Variants in POU6F2 observed in about 807,000 individuals in gnomAD.
The protein encoded by POU6F2 is POU class 6 homeobox 2, also known as POU domain, class 6, transcription factor 2.
POU6F2 carries 31 observed loss-of-function variants against 71.3 expected under a neutral mutation model. That is an observed-to-expected ratio of 0.43 (90% CI 0.33 to 0.59). The LOEUF (loss-of-function observed/expected upper bound fraction) is 0.59. POU6F2 is among the 20% of genes least tolerant of loss of function. The pLI is 0.04. For missense variants in POU6F2, 783 were observed against 856.8 expected (o/e 0.91, Z 1.07); for synonymous variants, 347 against 355.7 (o/e 0.98, Z 0.27).
intron 6 of POU6F2, among the ~76,000 whole-genome samples, chr7:39,419,229 G>A (rs1157677394): frequency 6.7e-6 from 1 of 150,330 alleles, no homozygotes; most frequent in Non-Finnish European, 1.5e-5. Flanking sequence ...CTAAAGTAGA[G>A]TCTGTTTGGG....
intron 4 of POU6F2, among the ~76,000 whole-genome samples, chr7:39,271,187 G>A (rs1784332554): frequency 1.3e-5 from 2 of 152,148 alleles, no homozygotes; most frequent in Admixed American, 6.5e-5. Flanking sequence ...AAGGAGAAAA[G>A]CACTCATGAG....
intron 4 of POU6F2, among the ~76,000 whole-genome samples, chr7:39,302,309 A>G (rs1400262753): frequency 6.6e-6 from 1 of 152,194 alleles, no homozygotes; most frequent in Non-Finnish European, 1.5e-5. Flanking sequence ...TAATAGATGG[A>G]TCTAATACCA....
At chr7:39,389,716 A>T (rs1159169187) in intron 5 of POU6F2, among the ~76,000 whole-genome samples, 1 of 152,228 alleles carries the variant, frequency 6.6e-6, no homozygotes, top group Non-Finnish European at 1.5e-5. Flanking sequence ...GGTTTCAAAA[A>T]CAAAATGAGA....
intron 1 of POU6F2, among the ~76,000 whole-genome samples, chr7:39,065,030 ATAACT>A (rs779263796): frequency 6.6e-6 from 1 of 151,862 alleles, no homozygotes; most frequent in Non-Finnish European, 1.5e-5. Context: ...AAAGTAAATA[ATAACT>A]TAAAGAATTA....
Position 39,449,139 on chromosome 7 carries a change from G to A in POU6F2, c.1321-2394G>A, listed in dbSNP as rs182284091. Among the ~76,000 whole-genome samples the A allele has an allele frequency of 4.1e-3, 620 of 152,294 alleles. 2 individuals carry two copies. The highest frequency in any genetic ancestry group is 0.014 in the African/African-American group (570 of 41,560). Reference sequence around the variant, plus strand: ...GGTGTTCACTTGAAATGCAACCTCAGGCAATTCTGTAGGAGGCACAAGGTG... The same window carrying A: ...GGTGTTCACTTGAAATGCAACCTCAAGCAATTCTGTAGGAGGCACAAGGTG... On this transcript the variant is annotated intron_variant, in intron 7 of 9. Transcript: ENST00000518318.
intron 2 of POU6F2, among the ~76,000 whole-genome samples, chr7:39,195,146 C>T (rs1219568892): frequency 1.3e-5 from 2 of 152,180 alleles, no homozygotes; most frequent in Admixed American, 1.3e-4. Flanking sequence ...TTCCTATTGT[C>T]CCAATTATTA....
At chr7:39,426,937 T>G (rs1000353631) in intron 6 of POU6F2, among the ~76,000 whole-genome samples, 1 of 152,202 alleles carries the variant, frequency 6.6e-6, no homozygotes. Flanking sequence ...GGTGCCCCCA[T>G]GGAAACTTCC....
rs1442863004 is a variant in POU6F2, at chr7:39,085,959, A to G, written c.205A>G (p.Ser69Gly). The G allele has an allele frequency of 6.2e-7, 1 of 1,613,714 alleles. No homozygotes were observed. Among genetic ancestry groups the G allele is most frequent in the Non-Finnish European group, 8.5e-7 (1 of 1,179,818 alleles). ...RGEDKAATSDSELNEPLLAPV... is the reference protein window; with the variant it reads ...RGEDKAATSDGELNEPLLAPV... The stretch of plus-strand genomic sequence containing the variant: ...TGAGGACAAGGCTGCTACTTCAGAC[A>G]GCGAGCTGAATGAGCCCCTGCTTGC... The change falls in exon 2 of 10, where the codon AGC (serine) becomes GGC (glycine). Residue 69 changes from serine (S) to glycine (G), a missense_variant. Physicochemically the swap from Ser to Gly is moderately conservative, Grantham distance 56. This residue lies in a region of POU6F2 where 572 missense variants were observed against 572.9 expected (regional missense o/e 1.00). Coordinates refer to ENST00000518318, the MANE Select transcript of POU6F2 (RefSeq NM_001370959.1).
chr7:39,412,927 A>C (rs1474892439), intron 6 of POU6F2, among the ~76,000 whole-genome samples: 2 of 148,358 alleles, frequency 1.3e-5, no homozygotes, highest in African/African-American at 4.9e-5. Flanking sequence ...CATCCTCCCA[A>C]GTAGCTGGGA....
chr7:39,020,094 G>A (rs1427037598), intron 1 of POU6F2, among the ~76,000 whole-genome samples: 2 of 152,104 alleles, frequency 1.3e-5, no homozygotes, highest in Non-Finnish European at 2.9e-5. Context: ...AGCAGGTTGG[G>A]TGCACCCTCC....
intron 2 of POU6F2, among the ~76,000 whole-genome samples, chr7:39,130,147 GGTGTGTGTGTGTGTGTGT>G (rs10600961): frequency 7.0e-6 from 1 of 143,334 alleles, no homozygotes; most frequent in African/African-American, 2.6e-5. Flanking sequence ...GAAAGGGGTA[GGTGTGTGTGTGTGTGTGT>G]GTGTGTGTGT....
chr7:39,046,216 G>A (rs1790287736), intron 1 of POU6F2, among the ~76,000 whole-genome samples: 1 of 151,810 alleles, frequency 6.6e-6, no homozygotes, highest in Admixed American at 6.6e-5. Context: ...AAATAAGTGA[G>A]CATCCTTTCC....
At chr7:39,353,857 A>G (rs568924588) in intron 5 of POU6F2, among the ~76,000 whole-genome samples, 2 of 152,362 alleles carry the variant, frequency 1.3e-5, no homozygotes, top group South Asian at 2.1e-4. Flanking sequence ...GACCTGCCAC[A>G]GCAGAATAGT....
chr7:39,125,381 C>T (rs1256131265), intron 2 of POU6F2, among the ~76,000 whole-genome samples: 2 of 152,026 alleles, frequency 1.3e-5, no homozygotes, highest in African/African-American at 4.8e-5. Context: ...TTTTAGTGTC[C>T]TTCACCCTTT....
intron 2 of POU6F2, chr7:39,120,752 T>A (rs893390287): frequency 6.6e-6 from 1 of 152,214 alleles, no homozygotes; most frequent in African/African-American, 2.4e-5. Flanking sequence ...AATTGAGTAG[T>A]TGTGGCTGTA....
At chr7:39,267,603 G>T (rs1312437111) in intron 4 of POU6F2, among the ~76,000 whole-genome samples, 1 of 151,866 alleles carries the variant, frequency 6.6e-6, no homozygotes, top group Non-Finnish European at 1.5e-5. Flanking sequence ...ATGAGTACTA[G>T]CTGTTAACTT....
At chr7:39,200,305 T>C (rs1303269186) in intron 2 of POU6F2, among the ~76,000 whole-genome samples, 1 of 152,202 alleles carries the variant, frequency 6.6e-6, no homozygotes, top group Non-Finnish European at 1.5e-5. Context: ...AGATGCTCTG[T>C]CAGTAGCCTC....
intron 1 of POU6F2, among the ~76,000 whole-genome samples, chr7:39,003,773 T>G (rs754869785): frequency 6.6e-6 from 1 of 151,674 alleles, no homozygotes; most frequent in East Asian, 1.9e-4. Flanking sequence ...AAGGGAGTGA[T>G]TAAGCATATT....
chr7:39,364,527 C>T (rs1039738681), intron 5 of POU6F2, among the ~76,000 whole-genome samples: 3 of 152,130 alleles, frequency 2.0e-5, no homozygotes, highest in Non-Finnish European at 4.4e-5. Flanking sequence ...TTTGCTTTTC[C>T]ATTCCTGAGT....
Sources: gnomAD v4.1 joint callset for allele counts (sites outside exome capture counted in the v4.1 genomes callset) on GRCh38, gnomAD v4.1.1 for gene constraint, gnomAD v4.1.1 regional missense constraint, MANE v1.5 for transcripts, NCBI Gene and HGNC (gene_info 2026-07-23, HGNC 2026-07-21) for gene names.